The following DIRAS2 variants were observed in gnomAD, a reference collection of about 807,000 sequenced individuals.
DIRAS2 encodes the protein GTP-binding protein Di-Ras2.
A neutral mutation model predicts 13.9 loss-of-function variants in DIRAS2; 5 were observed. The observed-to-expected ratio is 0.36, with a 90% CI of 0.19 to 0.76. The LOEUF (loss-of-function observed/expected upper bound fraction) is 0.76, where lower values mean the gene tolerates loss of function less well. DIRAS2 is among the 30% of genes least tolerant of loss of function. DIRAS2 has a pLI of 0.53. For synonymous variants in DIRAS2, 111 were observed against 105.4 expected, an observed-to-expected ratio of 1.05 and a Z score of -0.33; for missense variants, 191 against 263.0, an observed-to-expected ratio of 0.73 and a Z score of 1.89.
intron 1 of DIRAS2, among the ~76,000 whole-genome samples, chr9:90,619,696 TA>T (rs1442810318): frequency 5.9e-5 from 9 of 152,196 alleles, no homozygotes; most frequent in Admixed American, 1.3e-4. Context: ...CCCTCCTTTG[TA>T]TATACCCATG....
chr9:90,628,301 T>A (rs1825290820), intron 1 of DIRAS2, among the ~76,000 whole-genome samples: 1 of 152,144 alleles, frequency 6.6e-6, no homozygotes. Flanking sequence ...AAACTTAGAA[T>A]AAAAAATTGT....
chr9:90,618,929 A>T (rs572074867), intron 1 of DIRAS2, among the ~76,000 whole-genome samples: 182 of 152,312 alleles, frequency 1.2e-3, no homozygotes, highest in Admixed American at 2.6e-3. Flanking sequence ...AGATCACAAG[A>T]TCAAGAGATC....
chr9:90,618,712 A>G (rs1057304925), intron 1 of DIRAS2, among the ~76,000 whole-genome samples: 2 of 152,248 alleles, frequency 1.3e-5, no homozygotes, highest in Non-Finnish European at 2.9e-5. Context: ...CAACTCAATT[A>G]GAAATGGGCA....
intron 1 of DIRAS2, among the ~76,000 whole-genome samples, chr9:90,641,804 C>A (rs1052856893): frequency 6.6e-6 from 1 of 152,090 alleles, no homozygotes; most frequent in Admixed American, 6.5e-5. Context: ...TAGTTTGAAG[C>A]AGAAAAGTTC....
chr9:90,637,195 T>C (rs192480095), intron 1 of DIRAS2, among the ~76,000 whole-genome samples: 1 of 152,326 alleles, frequency 6.6e-6, no homozygotes, highest in African/African-American at 2.4e-5. Flanking sequence ...CAAAACATCA[T>C]ACATTGAAAC....
At chr9:90,617,987 A>G (rs757204354) in intron 1 of DIRAS2, among the ~76,000 whole-genome samples, 3 of 152,132 alleles carry the variant, frequency 2.0e-5, no homozygotes, top group Non-Finnish European at 4.4e-5. Context: ...AGATAGCAGT[A>G]TTTCCAGGAA....
intron 1 of DIRAS2, chr9:90,626,200 A>T (rs541180772): frequency 7.0e-6 from 1 of 143,860 alleles, no homozygotes; most frequent in East Asian, 2.0e-4. Flanking sequence ...AAAAAAAAAT[A>T]GAGAGACCCT....
intron 1 of DIRAS2, among the ~76,000 whole-genome samples, chr9:90,639,764 T>C (rs971023892): frequency 1.3e-5 from 2 of 152,242 alleles, no homozygotes; most frequent in African/African-American, 4.8e-5. Flanking sequence ...AATCCTTTTG[T>C]CTTTCTGATA....
rs1825417632 is a variant in DIRAS2, at chr9:90,641,366, C to T, written c.-37+1386G>A. The stretch of plus-strand genomic sequence containing the variant: ...CAGCAGTTCTGTGCCTTGGTATAGA[C>T]AGCAATACCCCCTCCTTTCTCCTTC... On this transcript the variant is annotated intron_variant, in intron 1 of 1. Transcript: ENST00000375765. Among the ~76,000 whole-genome samples the T allele has an allele frequency of 3.3e-5, 5 of 152,306 alleles. No homozygotes were observed. In the South Asian group the frequency reaches 1.0e-3, roughly 32 times the overall value.
At chr9:90,636,110 T>G (rs1825368490) in intron 1 of DIRAS2, among the ~76,000 whole-genome samples, 1 of 138,764 alleles carries the variant, frequency 7.2e-6, no homozygotes, top group Non-Finnish European at 1.5e-5. Context: ...CGATCTTGGC[T>G]CACTGCAAGC....
intron 1 of DIRAS2, among the ~76,000 whole-genome samples, chr9:90,614,895 T>A (rs1825153201): frequency 1.3e-5 from 2 of 152,114 alleles, no homozygotes; most frequent in Admixed American, 1.3e-4. Flanking sequence ...TAGATGTGCC[T>A]TCTTAATTTA....
At chr9:90,618,063 C>G (rs1021690155) in intron 1 of DIRAS2, among the ~76,000 whole-genome samples, 5 of 152,076 alleles carry the variant, frequency 3.3e-5, no homozygotes. Flanking sequence ...ACTGACAAAC[C>G]GATCCCAAAA....
chr9:90,627,288 G>A (rs1013584211), intron 1 of DIRAS2, among the ~76,000 whole-genome samples: 7 of 152,114 alleles, frequency 4.6e-5, no homozygotes, highest in African/African-American at 1.7e-4. Flanking sequence ...TGAAGTCTCC[G>A]GGATTTCTTT....
chr9:90,636,552 C>T (rs76612435), intron 1 of DIRAS2, among the ~76,000 whole-genome samples: 4,900 of 152,280 alleles, frequency 0.032, 123 homozygotes, highest in South Asian at 0.11. Flanking sequence ...CACATTAACT[C>T]ACAATGGCAA....
At chr9:90,616,994 G>GA (rs1328664871) in intron 1 of DIRAS2, among the ~76,000 whole-genome samples, 1 of 152,186 alleles carries the variant, frequency 6.6e-6, no homozygotes, top group Non-Finnish European at 1.5e-5. Flanking sequence ...GAGCCCTCAG[G>GA]AAGCATTTCA....
At chr9:90,615,069 A>C (rs918894022) in intron 1 of DIRAS2, among the ~76,000 whole-genome samples, 12 of 152,264 alleles carry the variant, frequency 7.9e-5, no homozygotes, top group African/African-American at 2.4e-4. Context: ...GCAAGCAGGC[A>C]TTGTGCTGAC....
At chr9:90,624,586 C>T (rs1825250573) in intron 1 of DIRAS2, among the ~76,000 whole-genome samples, 1 of 152,134 alleles carries the variant, frequency 6.6e-6, no homozygotes, top group African/African-American at 2.4e-5. Context: ...GATTTCATAT[C>T]CAAGAGGCCA....
intron 1 of DIRAS2, among the ~76,000 whole-genome samples, chr9:90,630,115 T>A (rs2118571507): frequency 6.6e-6 from 1 of 152,374 alleles, no homozygotes; most frequent in South Asian, 2.1e-4. Context: ...TATCAATATC[T>A]TTGTCTCAGT....
chr9:90,642,058 G>T (rs2297354), intron 1 of DIRAS2, among the ~76,000 whole-genome samples: 1 of 152,194 alleles, frequency 6.6e-6, no homozygotes, highest in Admixed American at 6.5e-5. Context: ...AGGAAAAACA[G>T]CATTTTTCAA....
Sources: gnomAD v4.1 joint callset for allele counts (sites outside exome capture counted in the v4.1 genomes callset) on GRCh38, gnomAD v4.1.1 for gene constraint, MANE v1.5 for transcripts, NCBI Gene and HGNC (gene_info 2026-07-23, HGNC 2026-07-21) for gene names.